UNC13C: variants seen among roughly 807,000 people sequenced by gnomAD.
UNC13C encodes the protein protein unc-13 homolog C.
A neutral mutation model predicts 245.4 loss-of-function variants in UNC13C; 174 were observed. The ratio of observed to expected loss-of-function variants is 0.71; its 90% CI spans 0.63 to 0.80. The LOEUF (loss-of-function observed/expected upper bound fraction) is 0.80. Ranked by LOEUF, UNC13C falls within the 30% of genes least tolerant of loss-of-function variation. The pLI is 0.00. For missense variants in UNC13C, 2,829 were observed against 2,602.9 expected (o/e 1.09, Z -1.89); for synonymous variants, 992 against 895.1 (o/e 1.11, Z -1.93).
intron 7 of UNC13C, among the ~76,000 whole-genome samples, chr15:54,248,301 C>A (rs2036049627): frequency 6.6e-6 from 1 of 152,016 alleles, no homozygotes; most frequent in South Asian, 2.1e-4. Context: ...TTCTTCTAGA[C>A]CACAAATGCT....
Position 54,183,757 on chromosome 15 carries a change from G to GA in UNC13C, c.3071+40090dup, listed in dbSNP as rs56121438. On this transcript the variant is annotated intron_variant, in intron 4 of 32. Coordinates refer to ENST00000260323, the MANE Select transcript of UNC13C (RefSeq NM_001080534.3). ...TGCTAGGCTCAGACATTGTGAGACA[G>GA]AAAAAAAAAAAAAAAAACATGGGAC... Among the ~76,000 whole-genome samples the GA allele has an allele frequency of 9.0e-3, 1,036 of 115,012 alleles. 3 individuals are homozygous for GA. Among genetic ancestry groups the GA allele is most frequent in the Non-Finnish European group, 0.011 (583 of 53,354 alleles). The allele number at this position is 115,012 out of a possible 152,430, so 75.5% of individuals were successfully genotyped here.
In UNC13C at chr15:54,014,399, G is replaced by A. The variant is rs1895538955; in HGVS notation, c.1496G>A (p.Ser499Asn). ...TCCAAGAATAAAACTGCTAATAGCA[G>A]CAGAATTTCAAATAAATCAGATTAT... ...ARSKNKTANS[S>N]RISNKSDYDK... The change falls in exon 2 of 33, where the codon AGC (serine) becomes AAC (asparagine). Residue 499 changes from serine to asparagine, a missense_variant. Transcript: ENST00000260323. The A allele has an allele frequency of 6.2e-7, 1 of 1,613,678 alleles. No homozygotes were observed. The highest frequency in any genetic ancestry group is 1.3e-5 in the African/African-American group (1 of 74,910).
At chr15:54,041,510 C>T (rs1896805720) in intron 2 of UNC13C, among the ~76,000 whole-genome samples, 1 of 152,096 alleles carries the variant, frequency 6.6e-6, no homozygotes, top group Non-Finnish European at 1.5e-5. Context: ...TCCCATATAC[C>T]TCTAACCAGC....
chr15:53,838,244 T>C, the UNC13C span, among the ~76,000 whole-genome samples: 1 of 152,118 alleles, frequency 6.6e-6, no homozygotes, highest in African/African-American at 2.4e-5. Context: ...CTTAATACTT[T>C]ATACAAACTT....
intron 13 of UNC13C, among the ~76,000 whole-genome samples, chr15:54,301,463 G>A (rs561794481): frequency 4.3e-4 from 65 of 151,816 alleles, no homozygotes; most frequent in African/African-American, 1.4e-3. Context: ...AACAGGCCCC[G>A]GTGTGTGATG....
At position 54,147,789 on chromosome 15, in the gene UNC13C, C is replaced by CGTGCGTGTGTGTGTGTGTGT. The variant is rs1555423229; in HGVS notation, c.3071+4108_3071+4109insCGTGTGTGTGTGTGTGTGTG. ...TATAAGAAGCATTGCAAGGTGTGTG[C>CGTGCGTGTGTGTGTGTGTGT]GTGTGTGTGTGTGTGTGTGTGTATG... On this transcript the variant is annotated intron_variant, in intron 4 of 32. Coordinates refer to ENST00000260323, the MANE Select transcript of UNC13C (RefSeq NM_001080534.3). Among the ~76,000 whole-genome samples, 51 of 147,590 alleles carry CGTGCGTGTGTGTGTGTGTGT rather than the reference C, an allele frequency of 3.5e-4. 1 individual carries two copies. The highest frequency in any genetic ancestry group is 6.1e-4 in the Non-Finnish European group (41 of 66,910).
At chr15:53,937,669 G>T in the UNC13C span, among the ~76,000 whole-genome samples, 2 of 152,164 alleles carry the variant, frequency 1.3e-5, no homozygotes, top group African/African-American at 4.8e-5. Flanking sequence ...AAATCCATCA[G>T]ACTAACAGTG....
intron 13 of UNC13C, among the ~76,000 whole-genome samples, chr15:54,300,618 A>G (rs560838489): frequency 2.0e-5 from 3 of 152,284 alleles, no homozygotes; most frequent in Admixed American, 1.3e-4. Context: ...AATAGTATCA[A>G]CAGCACCTGG....
At chr15:54,434,314 T>TCA (rs2040935322) in intron 19 of UNC13C, among the ~76,000 whole-genome samples, 1 of 152,024 alleles carries the variant, frequency 6.6e-6, no homozygotes, top group Admixed American at 6.6e-5. Context: ...GCTAGAGGCA[T>TCA]CACACTACCT....
At chr15:54,604,269 T>C (rs192797908) in intron 30 of UNC13C, among the ~76,000 whole-genome samples, 3 of 152,316 alleles carry the variant, frequency 2.0e-5, no homozygotes, top group Admixed American at 2.0e-4. Context: ...GAATGTATAA[T>C]TTCCCACCAC....
intron 22 of UNC13C, among the ~76,000 whole-genome samples, chr15:54,505,753 T>TG (rs1894444622): frequency 1.3e-5 from 2 of 150,908 alleles, no homozygotes; most frequent in Non-Finnish European, 1.5e-5. Context: ...TCTTTTTTTT[T>TG]TTTTTTTTTG....
chr15:53,971,840 G>A, the UNC13C span, among the ~76,000 whole-genome samples: 4 of 152,108 alleles, frequency 2.6e-5, no homozygotes, highest in African/African-American at 9.7e-5. Flanking sequence ...CAATGATGGT[G>A]TTGATAAAAG....
At chr15:54,293,330 C>A (rs2037350313) in intron 10 of UNC13C, among the ~76,000 whole-genome samples, 1 of 151,824 alleles carries the variant, frequency 6.6e-6, no homozygotes, top group Admixed American at 6.6e-5. Flanking sequence ...GTGAAGAAAA[C>A]CTGGAAATTA....
At chr15:53,979,744 G>A (rs1893850029) in intron 1 of UNC13C, among the ~76,000 whole-genome samples, 1 of 152,080 alleles carries the variant, frequency 6.6e-6, no homozygotes. Context: ...TTGAGGGTGG[G>A]TAATGCTTAT....
intron 2 of UNC13C, among the ~76,000 whole-genome samples, chr15:54,038,124 A>ATATATATATTTTTTTTTTT: frequency 8.9e-5 from 4 of 45,030 alleles, no homozygotes; most frequent in East Asian, 2.2e-3. Flanking sequence ...ATATATATAT[A>ATATATATATTTTTTTTTTT]TTTTTTTTTT....
At chr15:54,110,874 G>T (rs980706503) in intron 2 of UNC13C, among the ~76,000 whole-genome samples, 3 of 152,144 alleles carry the variant, frequency 2.0e-5, no homozygotes, top group African/African-American at 4.8e-5. Context: ...TCTTGTAACT[G>T]CAGATAAGAG....
At chr15:54,519,485 G>A (rs1011249287) in intron 24 of UNC13C, among the ~76,000 whole-genome samples, 21 of 152,126 alleles carry the variant, frequency 1.4e-4, no homozygotes, top group African/African-American at 4.8e-4. Context: ...GTGACAGTTG[G>A]ATTTACTGCA....
chr15:54,263,935 A>G lies in UNC13C; in HGVS notation c.3449-233A>G, dbSNP rs74670077. Among the ~76,000 whole-genome samples, 57 of 152,238 alleles carry G rather than the reference A, an allele frequency of 3.7e-4. 1 individual carries two copies. The East Asian group carries it at 0.011, about 29-fold the overall frequency. ...ACCTAATTTAGTTCAGTAATACAAA[A>G]GAAAAGCCTGGGAATCATAGGAGGT... On this transcript the variant is annotated intron_variant, in intron 8 of 32. Transcript: ENST00000260323.
chr15:54,244,531 A>G (rs2035942201), intron 7 of UNC13C, among the ~76,000 whole-genome samples: 1 of 152,130 alleles, frequency 6.6e-6, no homozygotes, highest in Non-Finnish European at 1.5e-5. Flanking sequence ...GTTTAAAGGG[A>G]GTGGCATTGA....
Sources: gnomAD v4.1 joint callset for allele counts (sites outside exome capture counted in the v4.1 genomes callset) on GRCh38, gnomAD v4.1.1 for gene constraint, MANE v1.5 for transcripts, NCBI Gene and HGNC (gene_info 2026-07-23, HGNC 2026-07-21) for gene names.